Variants in C1orf21 observed in about 807,000 individuals in gnomAD.
C1orf21 encodes uncharacterized protein C1orf21.
A neutral mutation model predicts 18.7 loss-of-function variants in C1orf21; 3 were observed. The observed-to-expected ratio is 0.16, with a 90% CI of 0.07 to 0.42. The LOEUF (loss-of-function observed/expected upper bound fraction) is 0.42. C1orf21 is among the 10% of genes least tolerant of loss of function. The pLI is 0.99. For missense variants in C1orf21, 104 were observed against 143.6 expected, an observed-to-expected ratio of 0.72 and a Z score of 1.41; for synonymous variants, 41 against 46.4, an observed-to-expected ratio of 0.88 and a Z score of 0.47.
At chr1:184,447,444 C>T (rs1362803481) in intron 1 of C1orf21, among the ~76,000 whole-genome samples, 2 of 152,206 alleles carry the variant, frequency 1.3e-5, no homozygotes, top group Non-Finnish European at 2.9e-5. Flanking sequence ...CGTGATATCA[C>T]ATGTCTGGTC....
intron 1 of C1orf21, among the ~76,000 whole-genome samples, chr1:184,467,409 C>T (rs548962744): frequency 8.5e-5 from 13 of 152,296 alleles, no homozygotes; most frequent in African/African-American, 2.2e-4. Context: ...GCTCACTGAC[C>T]TTGACTTGTC....
At chr1:184,549,049 T>C (rs752896092) in intron 3 of C1orf21, among the ~76,000 whole-genome samples, 9 of 152,232 alleles carry the variant, frequency 5.9e-5, no homozygotes, top group Non-Finnish European at 8.8e-5. Context: ...GTTTTAGGAA[T>C]TTAAAAATAC....
At chr1:184,418,761 T>C (rs1656500163) in intron 1 of C1orf21, among the ~76,000 whole-genome samples, 1 of 152,206 alleles carries the variant, frequency 6.6e-6, no homozygotes, top group Non-Finnish European at 1.5e-5. Flanking sequence ...CACCAGTTTG[T>C]TGAGGCTTAG....
chr1:184,570,943 C>G (rs1014285223), intron 3 of C1orf21, among the ~76,000 whole-genome samples: 1 of 152,174 alleles, frequency 6.6e-6, no homozygotes, highest in Non-Finnish European at 1.5e-5. Context: ...CTGAATCTTG[C>G]AAGCGTTTAT....
intron 5 of C1orf21, among the ~76,000 whole-genome samples, chr1:184,598,920 C>G (rs1192606459): frequency 6.6e-6 from 1 of 152,160 alleles, no homozygotes; most frequent in African/African-American, 2.4e-5. Flanking sequence ...CAGATATTAT[C>G]TACATTTTAC....
Position 184,543,623 on chromosome 1 carries a change from T to C in C1orf21, c.189+35941T>C, listed in dbSNP as rs972110724. ...TGTATCTTTATAAGAGGTAGGTTTA[T>C]TTTTATAAAAATGTTATCACTTCTG... On this transcript the variant is annotated intron_variant, in intron 3 of 5. Transcript: ENST00000235307. Among the ~76,000 whole-genome samples, 5 of 152,330 alleles carry C rather than the reference T, an allele frequency of 3.3e-5. No homozygotes were observed. In the Middle Eastern group the frequency reaches 0.014, roughly 415 times the overall value.
chr1:184,596,991 A>T (rs1033261009), intron 4 of C1orf21, among the ~76,000 whole-genome samples: 1 of 152,226 alleles, frequency 6.6e-6, no homozygotes, highest in African/African-American at 2.4e-5. Context: ...CAAATAAAAA[A>T]TGTTTTGGTG....
intron 3 of C1orf21, among the ~76,000 whole-genome samples, chr1:184,531,897 G>A (rs1019615176): frequency 2.0e-5 from 3 of 151,994 alleles, no homozygotes; most frequent in Admixed American, 2.0e-4. Context: ...TACTCCCAAT[G>A]TTTATCTCTT....
At chr1:184,418,795 G>A (rs553780979) in intron 1 of C1orf21, among the ~76,000 whole-genome samples, 1 of 152,296 alleles carries the variant, frequency 6.6e-6, no homozygotes, top group East Asian at 1.9e-4. Flanking sequence ...GGCTCTCCTG[G>A]TCATGTAGCA....
intron 3 of C1orf21, among the ~76,000 whole-genome samples, chr1:184,587,524 TTGTGTGTG>T (rs3034486): frequency 0.051 from 7,104 of 139,626 alleles, 178 homozygotes; most frequent in Admixed American, 0.063. Context: ...TTCCTAGGAA[TTGTGTGTG>T]TGTGTGTGTG....
intron 1 of C1orf21, among the ~76,000 whole-genome samples, chr1:184,455,194 A>T (rs1657180316): frequency 6.6e-6 from 1 of 152,188 alleles, no homozygotes; most frequent in African/African-American, 2.4e-5. Flanking sequence ...TGTTCCAACT[A>T]TCAAAAACAA....
At chr1:184,394,200 G>GA (rs941012473) in intron 1 of C1orf21, among the ~76,000 whole-genome samples, 9 of 152,160 alleles carry the variant, frequency 5.9e-5, no homozygotes, top group African/African-American at 2.2e-4. Context: ...AGGGCTTTTG[G>GA]AAAAAGGTAC....
chr1:184,457,125 G>C (rs919622449), intron 1 of C1orf21, among the ~76,000 whole-genome samples: 2 of 152,142 alleles, frequency 1.3e-5, no homozygotes, highest in Admixed American at 1.3e-4. Context: ...CATAAATGCT[G>C]TTGCTGTGTA....
chr1:184,515,664 T>G (rs1365527156), intron 3 of C1orf21, among the ~76,000 whole-genome samples: 1 of 152,152 alleles, frequency 6.6e-6, no homozygotes, highest in Non-Finnish European at 1.5e-5. Context: ...TTAAGGAAAA[T>G]ATTAAGGACA....
chr1:184,428,879 T>C (rs138868168), intron 1 of C1orf21, among the ~76,000 whole-genome samples: 343 of 152,258 alleles, frequency 2.3e-3, no homozygotes, highest in Middle Eastern at 0.017. Flanking sequence ...ATGACATCTC[T>C]GCATTGCTAT....
At chr1:184,423,871 A>ATCG (rs1216385541) in intron 1 of C1orf21, among the ~76,000 whole-genome samples, 1 of 150,066 alleles carries the variant, frequency 6.7e-6, no homozygotes, top group Non-Finnish European at 1.5e-5. Context: ...CCATCCATCC[A>ATCG]TCCATCCATC....
intron 3 of C1orf21, chr1:184,567,166 T>A: frequency 2.1e-6 from 1 of 476,792 alleles, no homozygotes; most frequent in Non-Finnish European, 4.2e-6. Context: ...GTTACTGGTG[T>A]GAGCTCACAG....
intron 2 of C1orf21, among the ~76,000 whole-genome samples, chr1:184,494,635 G>A (rs1657863334): frequency 6.6e-6 from 1 of 152,102 alleles, no homozygotes; most frequent in Non-Finnish European, 1.5e-5. Flanking sequence ...GGGCAGCAGT[G>A]GGAGGTAGAA....
intron 1 of C1orf21, among the ~76,000 whole-genome samples, chr1:184,400,369 CAT>C (rs1247929332): frequency 3.3e-5 from 5 of 151,924 alleles, no homozygotes. Flanking sequence ...TGTATGTGTA[CAT>C]ATGTGTCCAC....
Sources: gnomAD v4.1 joint callset for allele counts (sites outside exome capture counted in the v4.1 genomes callset) on GRCh38, gnomAD v4.1.1 for gene constraint, MANE v1.5 for transcripts, NCBI Gene and HGNC (gene_info 2026-07-23, HGNC 2026-07-21) for gene names.